The following TEAD1 variants were observed in gnomAD, a reference collection of about 807,000 sequenced individuals.
TEAD1 encodes transcriptional enhancer factor TEF-1.
TEAD1 carries 9 observed loss-of-function variants against 54.9 expected under a neutral mutation model. The ratio of observed to expected loss-of-function variants is 0.16; its 90% CI spans 0.10 to 0.29. TEAD1 has a LOEUF of 0.29. Among genes scored for constraint, TEAD1 ranks in the 10% least tolerant of loss-of-function variants. TEAD1 has a pLI of 1.00. For synonymous variants in TEAD1, 200 were observed against 187.8 expected (o/e 1.07, Z -0.53); for missense variants, 387 against 535.9 (o/e 0.72, Z 2.74).
chr11:12,915,831 G>A (rs1329012520), intron 10 of TEAD1, among the ~76,000 whole-genome samples: 3 of 152,206 alleles, frequency 2.0e-5, no homozygotes, highest in African/African-American at 7.2e-5. Context: ...GCAGCAGAGT[G>A]AGACTCTGTC....
At chr11:12,792,717 A>G (rs534363133) in intron 3 of TEAD1, among the ~76,000 whole-genome samples, 6 of 152,332 alleles carry the variant, frequency 3.9e-5, no homozygotes, top group African/African-American at 1.4e-4. Context: ...TGAGATATAT[A>G]GTAAAGCTAG....
At chr11:12,933,259 CTAAA>C (rs995016116) in intron 12 of TEAD1, among the ~76,000 whole-genome samples, 20 of 152,268 alleles carry the variant, frequency 1.3e-4, no homozygotes, top group African/African-American at 4.6e-4. Context: ...CATTAAGCAA[CTAAA>C]TAAATTCCTT....
intron 3 of TEAD1, among the ~76,000 whole-genome samples, chr11:12,810,822 T>C (rs1590173958): frequency 1.3e-5 from 2 of 152,306 alleles, no homozygotes; most frequent in East Asian, 3.9e-4. Context: ...TTTGGGCTGC[T>C]AACTCTCCTT....
At chr11:12,809,003 C>T (rs971964203) in intron 3 of TEAD1, among the ~76,000 whole-genome samples, 1 of 152,148 alleles carries the variant, frequency 6.6e-6, no homozygotes, top group Admixed American at 6.5e-5. Context: ...GAATTTTCAT[C>T]CTGAGCTTGT....
intron 2 of TEAD1, among the ~76,000 whole-genome samples, chr11:12,680,119 G>A (rs1278748260): frequency 6.6e-6 from 1 of 152,218 alleles, no homozygotes; most frequent in Non-Finnish European, 1.5e-5. Context: ...CAAGCCTTTA[G>A]AAGGTAATTG....
chr11:12,847,961 C>CTAGCTGGTA (rs1947190898), intron 3 of TEAD1, among the ~76,000 whole-genome samples: 1 of 152,166 alleles, frequency 6.6e-6, no homozygotes, highest in Admixed American at 6.5e-5. Flanking sequence ...TCTGTCGTGA[C>CTAGCTGGTA]TAGCTGGTAT....
At chr11:12,692,962 A>G (rs1295647197) in intron 2 of TEAD1, among the ~76,000 whole-genome samples, 1 of 152,144 alleles carries the variant, frequency 6.6e-6, no homozygotes, top group Non-Finnish European at 1.5e-5. Context: ...CTTCTGTGCA[A>G]CTGGGCTGTG....
chr11:12,894,202 C>T (rs540914834), intron 9 of TEAD1, among the ~76,000 whole-genome samples: 7 of 152,256 alleles, frequency 4.6e-5, no homozygotes, highest in African/African-American at 1.7e-4. Flanking sequence ...CAAGGTTTCA[C>T]TACGTTCTTC....
rs1289187869 is a variant in TEAD1 at position 12,930,333 on chromosome 11, G to T, written c.1167+7G>T. Reference sequence around the variant, plus strand: ...AAACTTCACAATTTTATTGGTAATGGTTTTGTCTCTTTCCTCTGTGGGCAG... The same window carrying T: ...AAACTTCACAATTTTATTGGTAATGTTTTTGTCTCTTTCCTCTGTGGGCAG... On this transcript the variant is annotated splice_region_variant and intron_variant, in intron 12 of 12. Transcript: ENST00000527636. 1.9e-6 allele frequency: 3 copies of T among 1,614,098 alleles called. No individual in the cohort carries two copies. The African/African-American group carries it at 4.0e-5, about 22-fold the overall frequency.
At chr11:12,860,072 A>G (rs927235326) in intron 3 of TEAD1, among the ~76,000 whole-genome samples, 3 of 152,156 alleles carry the variant, frequency 2.0e-5, no homozygotes, top group Non-Finnish European at 4.4e-5. Flanking sequence ...GGTGTGTGGG[A>G]GTGTTCCAAA....
chr11:12,894,270 G>A (rs1382625459), intron 9 of TEAD1, among the ~76,000 whole-genome samples: 2 of 152,076 alleles, frequency 1.3e-5, no homozygotes, highest in South Asian at 2.1e-4. Flanking sequence ...CAGGTTGGAC[G>A]GTGCAGTGCA....
intron 2 of TEAD1, among the ~76,000 whole-genome samples, chr11:12,686,777 T>C (rs1288024166): frequency 6.6e-6 from 1 of 152,222 alleles, no homozygotes; most frequent in African/African-American, 2.4e-5. Context: ...TTTAGTACTT[T>C]TAGAACTTTG....
intron 4 of TEAD1, chr11:12,864,633 T>G: frequency 1.7e-6 from 2 of 1,195,336 alleles, no homozygotes; most frequent in East Asian, 3.0e-5. Flanking sequence ...TTTTGTTTTG[T>G]TTTGTTTTGT....
intron 2 of TEAD1, among the ~76,000 whole-genome samples, chr11:12,714,758 G>GGCCCTCT (rs1944018635): frequency 6.6e-6 from 1 of 152,138 alleles, no homozygotes; most frequent in South Asian, 2.1e-4. Context: ...TTTCTTCCGA[G>GGCCCTCT]GCCCCTCTTG....
chr11:12,722,651 T>C (rs895625130), intron 2 of TEAD1, among the ~76,000 whole-genome samples: 9 of 116,986 alleles, frequency 7.7e-5, no homozygotes, highest in African/African-American at 5.6e-4. Flanking sequence ...CTCTCTTTCT[T>C]TTTTTTTTTT....
intron 3 of TEAD1, among the ~76,000 whole-genome samples, chr11:12,828,494 T>C (rs770884765): frequency 3.3e-5 from 5 of 152,172 alleles, no homozygotes; most frequent in Non-Finnish European, 5.9e-5. Flanking sequence ...CCTTTCTTTT[T>C]GTGCTGTGTG....
At position 12,874,610 on chromosome 11, in the gene TEAD1, G is replaced by A. The variant is rs116415767; in HGVS notation, c.331-5098G>A. Among the ~76,000 whole-genome samples, 124 of 152,312 alleles carry A rather than the reference G, an allele frequency of 8.1e-4. 1 individual carries two copies. The highest frequency in any genetic ancestry group is 2.2e-3 in the African/African-American group (90 of 41,564). On this transcript the variant is annotated intron_variant, in intron 5 of 12. Coordinates refer to ENST00000527636, the MANE Select transcript of TEAD1 (RefSeq NM_021961.6). ...ATGACACAGCCTGCTGGACCATGTA[G>A]CAGAGGCAGCGAGACCATTGAGTGT...
At chr11:12,795,406 A>G (rs1945894127) in intron 3 of TEAD1, among the ~76,000 whole-genome samples, 1 of 152,148 alleles carries the variant, frequency 6.6e-6, no homozygotes, top group Non-Finnish European at 1.5e-5. Flanking sequence ...CACTTCAACA[A>G]ATCTTTTTGG....
intron 10 of TEAD1, among the ~76,000 whole-genome samples, chr11:12,909,653 TAAAC>T (rs1948583177): frequency 6.6e-6 from 1 of 151,990 alleles, no homozygotes; most frequent in African/African-American, 2.4e-5. Context: ...GAAGCAAAAT[TAAAC>T]AAAAAAGCAT....
Sources: gnomAD v4.1 joint callset for allele counts (sites outside exome capture counted in the v4.1 genomes callset) on GRCh38, gnomAD v4.1.1 for gene constraint, MANE v1.5 for transcripts, NCBI Gene and HGNC (gene_info 2026-07-23, HGNC 2026-07-21) for gene names.